The following IKBKB variants were observed in gnomAD, a reference collection of about 807,000 sequenced individuals.
IKBKB encodes inhibitor of nuclear factor kappa B kinase subunit beta, also known as inhibitor of nuclear factor kappa-B kinase subunit beta.
Under a neutral mutation model 113.6 loss-of-function variants are expected in IKBKB, and 42 were observed. The observed-to-expected ratio is 0.37, with a 90% CI of 0.29 to 0.48. The LOEUF (loss-of-function observed/expected upper bound fraction) is 0.48, where lower values mean the gene tolerates loss of function less well. IKBKB is among the 20% of genes least tolerant of loss of function. IKBKB has a pLI of 0.99. For synonymous variants in IKBKB, 296 were observed against 361.3 expected (o/e 0.82, Z 2.05); for missense variants, 673 against 939.7 (o/e 0.72, Z 3.71).
Position 42,331,051 on chromosome 8 carries a change from CT to C in IKBKB, c.*73del. The C allele has an allele frequency of 5.7e-6, 9 of 1,591,530 alleles. No homozygotes were observed. Among genetic ancestry groups the C allele is most frequent in the Non-Finnish European group, 6.8e-6 (8 of 1,169,216 alleles). The stretch of plus-strand genomic sequence containing the variant: ...TTGTGCAGTGGGGGGACTCGACCCC[CT>C]GACATGGGGCTGCCTGGAGCAGGCC... On this transcript the variant is annotated 3_prime_UTR_variant, in exon 22 of 22. Transcript: ENST00000520810.
intron 20 of IKBKB, among the ~76,000 whole-genome samples, chr8:42,328,349 G>T (rs1821218210): frequency 6.6e-6 from 1 of 151,752 alleles, no homozygotes; most frequent in Non-Finnish European, 1.5e-5. Flanking sequence ...TTCCCTTCTG[G>T]GGCAGGCACT....
At chr8:42,324,069 C>G (rs541512724) in intron 19 of IKBKB, among the ~76,000 whole-genome samples, 8 of 152,188 alleles carry the variant, frequency 5.3e-5, no homozygotes, top group Admixed American at 5.2e-4. Flanking sequence ...GGAGAGGGAG[C>G]AACAAGAAGG....
intron 4 of IKBKB, among the ~76,000 whole-genome samples, chr8:42,292,701 T>C (rs531186167): frequency 6.6e-6 from 1 of 152,168 alleles, no homozygotes; most frequent in South Asian, 2.1e-4. Flanking sequence ...GGAGGCCAGC[T>C]CCCAGCAGCA....
intron 20 of IKBKB, among the ~76,000 whole-genome samples, chr8:42,327,079 G>C (rs1367209560): frequency 6.6e-6 from 1 of 152,154 alleles, no homozygotes; most frequent in Non-Finnish European, 1.5e-5. Context: ...CCCTTGAATT[G>C]TACACTTTAA....
chr8:42,281,194 A>T (rs1563300213), intron 2 of IKBKB, among the ~76,000 whole-genome samples: 1 of 152,138 alleles, frequency 6.6e-6, no homozygotes, highest in African/African-American at 2.4e-5. Context: ...ATGGAGCTTT[A>T]GCAGGATCTG....
rs959730498 is a variant in IKBKB, at chr8:42,271,367, T to G, written c.-121T>G. ...GCTGCCCGCGTTAAGATTCCCGCAT[T>G]TTAATGTTTTCAGGGGGGTGTCATA... On this transcript the variant is annotated 5_prime_UTR_variant, in exon 1 of 22. It adds an upstream start codon to the 5' untranslated region. Transcript: ENST00000520810. 2.4e-5 allele frequency: 36 copies of G among 1,484,942 alleles called. No individual in the cohort carries two copies. The highest frequency in any genetic ancestry group is 3.2e-5 in the Non-Finnish European group (35 of 1,101,306). 92.0% of individuals were successfully genotyped at this position (1,484,942 alleles called of 1,614,324 possible). A position where few individuals can be genotyped will look rare whatever the true frequency, so the allele number is the denominator to read the frequency against.
At chr8:42,321,701 A>AG (rs2130679847) in intron 16 of IKBKB, 195 bp from the exon 17 acceptor site, 2 of 534,416 alleles carry the variant, frequency 3.7e-6, no homozygotes, top group East Asian at 6.0e-5. Context: ...TAAAAAAAAA[A>AG]TGTTTTTGGC....
intron 7 of IKBKB, 61 bp downstream of exon 7, chr8:42,306,493 C>T (rs1816551859): frequency 1.8e-6 from 2 of 1,128,746 alleles, no homozygotes; most frequent in Non-Finnish European, 1.4e-6. Flanking sequence ...ATTTGTGGGG[C>T]TCCTGTCCTG....
chr8:42,293,563 G>A lies in IKBKB; in HGVS notation c.388+51G>A, dbSNP rs1391285540. Reference sequence around the variant, plus strand: ...CCGTGTCCTTCAGGGAGAGTGTGGTGCCCCTGTGAGTCCCTGCGGAGCCCT... The same window carrying A: ...CCGTGTCCTTCAGGGAGAGTGTGGTACCCCTGTGAGTCCCTGCGGAGCCCT... On this transcript the variant is annotated intron_variant, in intron 5 of 21. Coordinates refer to ENST00000520810, the MANE Select transcript of IKBKB (RefSeq NM_001556.3). 3 of 1,613,890 alleles carry A rather than the reference G, an allele frequency of 1.9e-6. No individual in the cohort carries two copies. In the East Asian group the frequency reaches 6.7e-5, roughly 36 times the overall value.
intron 4 of IKBKB, among the ~76,000 whole-genome samples, chr8:42,292,432 G>C (rs1812830802): frequency 6.6e-6 from 1 of 152,256 alleles, no homozygotes; most frequent in African/African-American, 2.4e-5. Context: ...CCCTGTCCTT[G>C]CTGTCACCCA....
intron 13 of IKBKB, 54 bp downstream of exon 13, chr8:42,318,729 C>T: frequency 6.6e-7 from 1 of 1,520,610 alleles, no homozygotes; most frequent in Non-Finnish European, 8.8e-7. Context: ...TCCTTGGTGG[C>T]TTTGGCCACA....
chr8:42,314,434 G>A lies in IKBKB; in HGVS notation c.800+5G>A. ...CTACCCCAATAATCTTAACAGGTAA[G>A]GCACAGCGGCATTACACGAATACAT... On this transcript the variant is annotated splice_donor_5th_base_variant and intron_variant, in intron 9 of 21. Coordinates refer to ENST00000520810, the MANE Select transcript of IKBKB (RefSeq NM_001556.3). 2.6e-6 allele frequency: 4 copies of A among 1,516,684 alleles called. No individual in the cohort carries two copies. Among genetic ancestry groups the A allele is most frequent in the Non-Finnish European group, 3.7e-6 (4 of 1,091,446 alleles). 94.0% of individuals were successfully genotyped at this position (1,516,684 alleles called of 1,614,324 possible). A position where few individuals can be genotyped will look rare whatever the true frequency, so the allele number is the denominator to read the frequency against.
At position 42,316,243 on chromosome 8, in the gene IKBKB, A is replaced by G; in HGVS notation, c.834A>G (p.Gln278=). ...CTGAGCGACTGGAGAAGTGGCTGCA[A>G]CTGATGCTGATGTGGCACCCCCGAC... is the stretch of plus-strand genomic sequence containing the variant. ...VLAERLEKWL[Q]LMLMWHPRQR... Residue 278 remains glutamine, a synonymous_variant, in exon 10 of 22, where the codon CAA becomes CAG. Transcript: ENST00000520810. This position sits in a 1 kb window ranked among gnomAD's most constrained non-coding sequence, Gnocchi z 4.5. 1 of 1,614,170 alleles carries G rather than the reference A, an allele frequency of 6.2e-7. No individual in the cohort carries two copies. The highest frequency in any genetic ancestry group is 8.5e-7 in the Non-Finnish European group (1 of 1,180,018).
Position 42,331,052 on chromosome 8 carries a change from T to C in IKBKB, c.*73T>C. The C allele has an allele frequency of 6.3e-7, 1 of 1,589,890 alleles. No homozygotes were observed. Among genetic ancestry groups the C allele is most frequent in the South Asian group, 1.1e-5 (1 of 89,846 alleles). On this transcript the variant is annotated 3_prime_UTR_variant, in exon 22 of 22. Transcript: ENST00000520810. The stretch of plus-strand genomic sequence containing the variant: ...TGTGCAGTGGGGGGACTCGACCCCC[T>C]GACATGGGGCTGCCTGGAGCAGGCC...
Position 42,326,114 on chromosome 8 carries a change from A to G in IKBKB, c.2114+17A>G, listed in dbSNP as rs200856128. On this transcript the variant is annotated intron_variant, in intron 20 of 21. Transcript: ENST00000520810. The stretch of plus-strand genomic sequence containing the variant: ...CAAGAAGAGGTAGGTCCTCCTTAGC[A>G]GTGCCAAGTGTGACCATCAAGGGCA... 2 of 1,613,918 alleles carry G rather than the reference A, an allele frequency of 1.2e-6. No individual in the cohort carries two copies. Among genetic ancestry groups the G allele is most frequent in the Non-Finnish European group, 1.7e-6 (2 of 1,179,920 alleles).
chr8:42,303,623 GCCTCC>G (rs1815887999), intron 5 of IKBKB, among the ~76,000 whole-genome samples: 1 of 151,902 alleles, frequency 6.6e-6, no homozygotes, highest in Non-Finnish European at 1.5e-5. Flanking sequence ...TCCTGCCTCA[GCCTCC>G]CGAGTAGCTG....
chr8:42,280,063 G>A (rs1373306801), intron 2 of IKBKB, among the ~76,000 whole-genome samples: 1 of 152,178 alleles, frequency 6.6e-6, no homozygotes. Context: ...GCCCAGGCTG[G>A]TCTGGAACTC....
At chr8:42,319,791 G>T in intron 15 of IKBKB, 145 bp downstream of exon 15, 1 of 696,400 alleles carries the variant, frequency 1.4e-6, no homozygotes. Flanking sequence ...TGGACCAGCT[G>T]AAAAGAGGCC....
In IKBKB at chr8:42,284,414, C is replaced by T. The variant is rs192687448; in HGVS notation, c.106-4220C>T. Among the ~76,000 whole-genome samples the T allele has an allele frequency of 3.9e-4, 60 of 152,134 alleles. 1 individual carries two copies. The East Asian group carries it at 0.011, about 28-fold the overall frequency. On this transcript the variant is annotated intron_variant, in intron 2 of 21. Transcript: ENST00000520810. ...TGGCTAACATGGTGAAACCCCATCT[C>T]TACTAAAAATACAAAAAATTAGCCG...
Sources: gnomAD v4.1 joint callset for allele counts (sites outside exome capture counted in the v4.1 genomes callset) on GRCh38, gnomAD v4.1.1 for gene constraint, Gnocchi (gnomAD v3.1) non-coding constraint, MANE v1.5 for transcripts, NCBI Gene and HGNC (gene_info 2026-07-23, HGNC 2026-07-21) for gene names.